FAM135A: variants seen among roughly 807,000 people sequenced by gnomAD.
The protein encoded by FAM135A is protein FAM135A.
FAM135A carries 79 observed loss-of-function variants against 146.8 expected under a neutral mutation model. The observed-to-expected ratio is 0.54, with a 90% CI of 0.45 to 0.65. FAM135A has a LOEUF of 0.65. Ranked by LOEUF, FAM135A falls within the 30% of genes least tolerant of loss-of-function variation. The pLI is 0.00. For missense variants in FAM135A, 1,623 were observed against 1,758.2 expected (o/e 0.92, Z 1.38); for synonymous variants, 562 against 603.6 (o/e 0.93, Z 1.01).
chr6:70,428,029 G>A (rs1770608175), intron 3 of FAM135A, among the ~76,000 whole-genome samples: 1 of 152,100 alleles, frequency 6.6e-6, no homozygotes, highest in Admixed American at 6.5e-5. Flanking sequence ...TTAGCAATAT[G>A]TTGTATTATT....
chr6:70,476,579 G>A (rs547955165), intron 7 of FAM135A, among the ~76,000 whole-genome samples: 1 of 151,902 alleles, frequency 6.6e-6, no homozygotes, highest in South Asian at 2.1e-4. Context: ...CCTGTAGATT[G>A]TTAAAATGGA....
chr6:70,421,618 C>A (rs1182988060), intron 2 of FAM135A, among the ~76,000 whole-genome samples: 1 of 152,162 alleles, frequency 6.6e-6, no homozygotes, highest in Non-Finnish European at 1.5e-5. Context: ...GAGTCATTTC[C>A]TGTTTGGGAT....
At chr6:70,490,837 G>T (rs1248789973) in intron 10 of FAM135A, among the ~76,000 whole-genome samples, 197 bp from the exon 11 acceptor site, 1 of 151,578 alleles carries the variant, frequency 6.6e-6, no homozygotes, top group African/African-American at 2.4e-5. Context: ...AATAAAAAAT[G>T]ATATTTATCA....
Position 70,524,525 on chromosome 6 carries a change from A to G in FAM135A, c.1441A>G (p.Lys481Glu). Residue 481 changes from lysine to glutamate, a missense_variant, in exon 15 of 22, where the codon AAA becomes GAA. Physicochemically the swap from Lys to Glu is moderately conservative, Grantham distance 56. Transcript: ENST00000418814. ...EGEKQLTKSL[K>E]GKNEESNKSK... ...TGAAAAGCAGCTAACAAAATCTCTA[A>G]AAGGAAAGAATGAAGAATCAAATAA... is the stretch of plus-strand genomic sequence containing the variant. The G allele has an allele frequency of 6.4e-7, 1 of 1,551,154 alleles. No individual in the cohort carries two copies. The highest frequency in any genetic ancestry group is 8.7e-7 in the Non-Finnish European group (1 of 1,146,746).
chr6:70,490,838 A>G (rs769754576), intron 10 of FAM135A, among the ~76,000 whole-genome samples, 196 bp from the exon 11 acceptor site: 5 of 151,770 alleles, frequency 3.3e-5, no homozygotes, highest in African/African-American at 1.2e-4. Flanking sequence ...ATAAAAAATG[A>G]TATTTATCAG....
At chr6:70,534,312 CTTTTTTT>C (rs1179072858) in intron 18 of FAM135A, among the ~76,000 whole-genome samples, 58 of 89,804 alleles carry the variant, frequency 6.5e-4, no homozygotes, top group African/African-American at 2.6e-3. Context: ...AGTTTGTATA[CTTTTTTT>C]TTTTTTTTTT....
intron 5 of FAM135A, among the ~76,000 whole-genome samples, chr6:70,465,411 T>C (rs983122669): frequency 6.6e-6 from 1 of 152,250 alleles, no homozygotes; most frequent in Admixed American, 6.5e-5. Flanking sequence ...GATTATATAG[T>C]AGTTCTATTT....
chr6:70,550,308 A>T lies in FAM135A; in HGVS notation c.4229-6442A>T, dbSNP rs183344606. Among the ~76,000 whole-genome samples, 3 of 152,350 alleles carry T rather than the reference A, an allele frequency of 2.0e-5. No individual in the cohort carries two copies. In the East Asian group the frequency reaches 5.8e-4, roughly 29 times the overall value. Reference sequence around the variant, plus strand: ...TTTTCATTTTACTTTGCTCAGATCCATCAAAGGAATCACTACCTATGGCAG... The same window carrying T: ...TTTTCATTTTACTTTGCTCAGATCCTTCAAAGGAATCACTACCTATGGCAG... On this transcript the variant is annotated intron_variant, in intron 20 of 21. Coordinates refer to ENST00000418814, the MANE Select transcript of FAM135A (RefSeq NM_001162529.3).
At chr6:70,438,657 G>C (rs1370602463) in intron 4 of FAM135A, among the ~76,000 whole-genome samples, 1 of 152,136 alleles carries the variant, frequency 6.6e-6, no homozygotes, top group Non-Finnish European at 1.5e-5. Context: ...TTGGATTCAC[G>C]AGAAGCTGTA....
In FAM135A at chr6:70,536,424, ATTG is replaced by A; in HGVS notation, c.4117+16_4117+18del. ...CTTGTTAATACAGGTAAAAAGTTTT[ATTG>A]TTCTGTATTAAAAATATGGAATAGG... On this transcript the variant is annotated intron_variant, in intron 19 of 21. Coordinates refer to ENST00000418814, the MANE Select transcript of FAM135A (RefSeq NM_001162529.3). 2 of 1,565,718 alleles carry A rather than the reference ATTG, an allele frequency of 1.3e-6. No homozygotes were observed. Among genetic ancestry groups the A allele is most frequent in the Non-Finnish European group, 1.7e-6 (2 of 1,160,932 alleles).
At chr6:70,547,551 T>C (rs964887094) in intron 20 of FAM135A, among the ~76,000 whole-genome samples, 5 of 152,034 alleles carry the variant, frequency 3.3e-5, no homozygotes, top group Admixed American at 6.6e-5. Context: ...CCTTCAGCAG[T>C]GATGACCAAA....
intron 4 of FAM135A, among the ~76,000 whole-genome samples, chr6:70,435,844 A>G (rs17706833): frequency 0.12 from 18,679 of 152,214 alleles, 1,454 homozygotes; most frequent in Middle Eastern, 0.19. Flanking sequence ...ACTTTTGAAA[A>G]AAGTGATTCC....
chr6:70,423,244 C>A (rs552368279), intron 2 of FAM135A, among the ~76,000 whole-genome samples: 3 of 152,206 alleles, frequency 2.0e-5, no homozygotes, highest in South Asian at 2.1e-4. Context: ...CAGATTACAT[C>A]ATATAATTTT....
chr6:70,471,680 G>C, intron 5 of FAM135A, among the ~76,000 whole-genome samples: 1 of 152,118 alleles, frequency 6.6e-6, no homozygotes. Flanking sequence ...ACATTTGCCA[G>C]TGTAACAAAC....
chr6:70,500,067 G>A (rs796375421), intron 11 of FAM135A, among the ~76,000 whole-genome samples: 3 of 152,322 alleles, frequency 2.0e-5, no homozygotes, highest in African/African-American at 7.2e-5. Flanking sequence ...AAATCCTGAA[G>A]TGTGTTTTCC....
intron 4 of FAM135A, among the ~76,000 whole-genome samples, chr6:70,432,510 C>CT (rs142275118): frequency 0.18 from 26,854 of 152,026 alleles, 2,458 homozygotes; most frequent in Middle Eastern, 0.22. Context: ...GAAGACCATT[C>CT]TTATAATGAA....
chr6:70,447,066 A>G (rs887547117), intron 4 of FAM135A, among the ~76,000 whole-genome samples: 1 of 152,232 alleles, frequency 6.6e-6, no homozygotes, highest in Non-Finnish European at 1.5e-5. Flanking sequence ...ACCAACTCCA[A>G]CTATGTTAAA....
At chr6:70,440,045 TA>T (rs1275191095) in intron 4 of FAM135A, among the ~76,000 whole-genome samples, 1 of 152,264 alleles carries the variant, frequency 6.6e-6, no homozygotes, top group Non-Finnish European at 1.5e-5. Flanking sequence ...AGTCATCTCA[TA>T]AGTGTGTTCT....
chr6:70,500,523 G>A (rs6936503), intron 11 of FAM135A, among the ~76,000 whole-genome samples: 3,194 of 152,282 alleles, frequency 0.021, 41 homozygotes, highest in East Asian at 0.046. Context: ...TTGTGTCCTT[G>A]CTGGAGAGGA....
Sources: allele counts gnomAD v4.1 joint callset (sites outside exome capture counted in the v4.1 genomes callset), GRCh38; gene constraint gnomAD v4.1.1; transcripts MANE v1.5; gene names NCBI Gene and HGNC (gene_info 2026-07-23, HGNC 2026-07-21).